Variants in PIH1D2 observed in about 807,000 individuals in gnomAD.
The protein encoded by PIH1D2 is PIH1 domain-containing protein 2.
Under a neutral mutation model 31.2 loss-of-function variants are expected in PIH1D2, and 25 were observed. The ratio of observed to expected loss-of-function variants is 0.80; its 90% CI spans 0.58 to 1.12. PIH1D2 has a LOEUF of 1.12. Ranked by LOEUF, PIH1D2 falls within the 50% of genes most tolerant of loss-of-function variation. The pLI, the probability that PIH1D2 is intolerant of heterozygous loss-of-function variation, is 0.00. For synonymous variants in PIH1D2, 116 were observed against 119.9 expected, an observed-to-expected ratio of 0.97 and a Z score of 0.21; for missense variants, 310 against 356.6, an observed-to-expected ratio of 0.87 and a Z score of 1.05.
Position 112,067,931 on chromosome 11 carries a change from C to A in PIH1D2, c.888G>T (p.Met296Ile). Residue 296 changes from methionine to isoleucine, a missense_variant, in exon 6 of 6, where the codon ATG becomes ATT. Met to Ile is a conservative substitution (Grantham distance 10, BLOSUM62 1). Transcript: ENST00000280350. ...LNLPKLIDTEMTTAKFIKEKS... is the reference protein window; with the variant it reads ...LNLPKLIDTEITTAKFIKEKS... ...TTTCTTTGATAAATTTTGCTGTGGTCATTTCAGTATCAATAAGTTTTGGAA... is the reference window on the plus strand; with the variant it reads ...TTTCTTTGATAAATTTTGCTGTGGTAATTTCAGTATCAATAAGTTTTGGAA... 1.9e-6 allele frequency: 3 copies of A among 1,609,902 alleles called. No homozygotes were observed. In the South Asian group the frequency reaches 3.3e-5, roughly 18 times the overall value.
At position 112,071,255 on chromosome 11, in the gene PIH1D2, G is replaced by C; in HGVS notation, c.330C>G (p.Tyr110Ter). ...CTGCTGCATGAAGAACATCAGGATT[G>C]TAGGCAACATCAATGACTGTGTAAG... ...SDAYTVIDVA[Y>*]NPDVLHAAEK... Residue 110 changes from tyrosine (Y) to a stop codon, truncating the protein, a stop_gained, in exon 4 of 6, where the codon TAC (tyrosine) becomes TAG (stop). Coordinates refer to ENST00000280350, the MANE Select transcript of PIH1D2 (RefSeq NM_138789.4). LOFTEE classifies it high-confidence loss of function. 6.2e-7 allele frequency: 1 copy of C among 1,613,546 alleles called. No individual in the cohort carries two copies. The highest frequency in any genetic ancestry group is 8.5e-7 in the Non-Finnish European group (1 of 1,179,738).
In PIH1D2 at chr11:112,073,010, C is replaced by T; in HGVS notation, c.165G>A (p.Gln55=). 6.2e-7 allele frequency: 1 copy of T among 1,611,164 alleles called. No homozygotes were observed. Among genetic ancestry groups the T allele is most frequent in the Non-Finnish European group, 8.5e-7 (1 of 1,178,412 alleles). The change falls in exon 2 of 6, where the codon CAG becomes CAA. Residue 55 remains glutamine, a synonymous_variant. Coordinates refer to ENST00000280350, the MANE Select transcript of PIH1D2 (RefSeq NM_138789.4). Reference sequence around the variant, plus strand: ...CAACTCGACATACCAGAATCCTGGTCTGTAGACAAAGCTGTGGTTCTGGGG... The same window carrying T: ...CAACTCGACATACCAGAATCCTGGTTTGTAGACAAAGCTGTGGTTCTGGGG... ...CAAPEPQLCL[Q]TRILKPKEKI... is the part of the protein sequence containing the mutation.
the PIH1D2 span, among the ~76,000 whole-genome samples, chr11:112,053,899 TTTAG>T: frequency 5.9e-5 from 9 of 152,294 alleles, no homozygotes; most frequent in African/African-American, 2.2e-4. Context: ...AATATTTAGC[TTTAG>T]CTCCAGTCTT....
chr11:112,057,957 A>AT, the PIH1D2 span, among the ~76,000 whole-genome samples: 1 of 152,222 alleles, frequency 6.6e-6, no homozygotes, highest in African/African-American at 2.4e-5. Context: ...CTTAGTAGAC[A>AT]ACAGTGTAGT....
At chr11:112,072,357 G>C (rs1865146049) in intron 2 of PIH1D2, among the ~76,000 whole-genome samples, 2 of 151,468 alleles carry the variant, frequency 1.3e-5, no homozygotes, top group African/African-American at 4.9e-5. Flanking sequence ...ATTAGCCTGT[G>C]AAACATAGGG....
At position 112,070,505 on chromosome 11, in the gene PIH1D2, CAG is replaced by C. The variant is rs781998222; in HGVS notation, c.742_743del (p.Leu248GlufsTer3). On this transcript the variant is annotated frameshift_variant, in exon 5 of 6. Coordinates refer to ENST00000280350, the MANE Select transcript of PIH1D2 (RefSeq NM_138789.4). LOFTEE classifies it high-confidence loss of function. ...GTAATTCAACTTTCAACTCAATTTT[CAG>C]AGGTTTCTCACTGTGATCATGCACA... Reference protein sequence around the residue: ...KIVHDHSEKPLKIELKVELPG... With the variant: ...KIVHDHSEKPXKIELKVELPG... 6 of 1,613,974 alleles carry C rather than the reference CAG, an allele frequency of 3.7e-6. No homozygotes were observed. The Admixed American group carries it at 8.3e-5, about 22-fold the overall frequency.
At chr11:112,053,715 A>C in the PIH1D2 span, among the ~76,000 whole-genome samples, 1 of 152,198 alleles carries the variant, frequency 6.6e-6, no homozygotes, top group East Asian at 1.9e-4. Flanking sequence ...GGCCTCCCAA[A>C]GTGCTGGGAT....
In PIH1D2 at chr11:112,067,945, T is replaced by C. The variant is rs763871826; in HGVS notation, c.874A>G (p.Ile292Val). Residue 292 changes from isoleucine to valine, a missense_variant, in exon 6 of 6, where the codon ATT (isoleucine) becomes GTT (valine). Ile to Val is a conservative substitution (Grantham distance 29, BLOSUM62 3). Coordinates refer to ENST00000280350, the MANE Select transcript of PIH1D2 (RefSeq NM_138789.4). The stretch of plus-strand genomic sequence containing the variant: ...TTTGCTGTGGTCATTTCAGTATCAA[T>C]AAGTTTTGGAAGATTCAGATGTAAT... ...YRLHLNLPKL[I>V]DTEMTTAKFI... 2 of 1,609,000 alleles carry C rather than the reference T, an allele frequency of 1.2e-6. No individual in the cohort carries two copies. The highest frequency in any genetic ancestry group is 1.7e-6 in the Non-Finnish European group (2 of 1,175,892).
chr11:112,068,526 T>G (rs1444109423), intron 5 of PIH1D2, among the ~76,000 whole-genome samples: 1 of 152,144 alleles, frequency 6.6e-6, no homozygotes, highest in Non-Finnish European at 1.5e-5. Context: ...CTCACACCTG[T>G]AATCCCAGCA....
downstream of PIH1D2, chr11:112,064,173 A>C (rs1220103522): frequency 1.3e-6 from 2 of 1,568,136 alleles, no homozygotes; most frequent in African/African-American, 2.7e-5. Flanking sequence ...AACATTCAAA[A>C]CTTCAAAGAT....
the PIH1D2 span, among the ~76,000 whole-genome samples, chr11:112,055,348 G>C: frequency 0.32 from 46,843 of 146,486 alleles, 8,296 homozygotes; most frequent in East Asian, 0.6. Flanking sequence ...GGTTCATGCC[G>C]TTCTCCTGCC....
intron 5 of PIH1D2, 149 bp from the exon 6 acceptor site, chr11:112,068,154 T>C: frequency 1.7e-6 from 1 of 594,660 alleles, no homozygotes. Context: ...TGTAAATCCC[T>C]TAGATTTTAA....
At chr11:112,062,029 C>G (rs1864663651), downstream of PIH1D2, among the ~76,000 whole-genome samples, 1 of 152,130 alleles carries the variant, frequency 6.6e-6, no homozygotes, top group Non-Finnish European at 1.5e-5. Flanking sequence ...CTTATTTATT[C>G]TAGGTGAGGA....
At position 112,070,437 on chromosome 11, in the gene PIH1D2, T is replaced by G; in HGVS notation, c.812A>C (p.Glu271Ala). The change falls in exon 5 of 6, where the codon GAG becomes GCG. Residue 271 changes from glutamate (E) to alanine (A), a missense_variant and splice_region_variant. Glu to Ala is a moderately radical substitution (Grantham distance 107, BLOSUM62 -1). Transcript: ENST00000280350. The part of the protein sequence containing the change: ...SVSLCDLSVS[E>A]DDLLIEVSEK... ...TACAGTGTTATCTATTCAACTTACC[T>G]CAGAAACACTAAGGTCACAGAGAGA... is the stretch of plus-strand genomic sequence containing the variant. 6.2e-7 allele frequency: 1 copy of G among 1,613,346 alleles called. No homozygotes were observed. The highest frequency in any genetic ancestry group is 2.2e-5 in the East Asian group (1 of 44,872).
At chr11:112,068,990 T>G (rs587615423) in intron 5 of PIH1D2, among the ~76,000 whole-genome samples, 7 of 138,670 alleles carry the variant, frequency 5.0e-5, no homozygotes, top group Middle Eastern at 3.5e-3. Flanking sequence ...TTGTTTTTTT[T>G]TTTTTTTGTT....
chr11:112,054,363 A>AT, the PIH1D2 span, among the ~76,000 whole-genome samples: 1 of 152,008 alleles, frequency 6.6e-6, no homozygotes, highest in Non-Finnish European at 1.5e-5. Flanking sequence ...TATTTGGTTA[A>AT]TTTTTTTAGA....
At chr11:112,072,277 G>C (rs1353934885) in intron 2 of PIH1D2, among the ~76,000 whole-genome samples, 1 of 151,980 alleles carries the variant, frequency 6.6e-6, no homozygotes, top group African/African-American at 2.4e-5. Context: ...TGGGGTGGTG[G>C]CTCACGTATG....
In PIH1D2 at chr11:112,071,657, T is replaced by C. The variant is rs1555184657; in HGVS notation, c.279A>G (p.Pro93=). The C allele has an allele frequency of 1.2e-6, 2 of 1,613,904 alleles. No homozygotes were observed. The highest frequency in any genetic ancestry group is 1.7e-6 in the Non-Finnish European group (2 of 1,179,726). ...TACCTGATATCTCAGTTGTATCTTC[T>C]GGTTTGCCAACAGTTAGAGGTACTG... The part of the protein sequence containing the change: ...THPVPLTVGK[P]EDTTEISDAY... Residue 93 remains proline, a synonymous_variant, in exon 3 of 6, where the codon CCA becomes CCG. Coordinates refer to ENST00000280350, the MANE Select transcript of PIH1D2 (RefSeq NM_138789.4).
Position 112,073,053 on chromosome 11 carries a change from C to T in PIH1D2, c.122G>A (p.Gly41Glu), listed in dbSNP as rs781972106. ...EKFIQQQLKE[G>E]KQLCAAPEPQ... Reference sequence around the variant, plus strand: ...TTCTGGGGCAGCACAGAGCTGTTTCCCTTCTTTCAGCTGCTGCTGAATAAA... The same window carrying T: ...TTCTGGGGCAGCACAGAGCTGTTTCTCTTCTTTCAGCTGCTGCTGAATAAA... The change falls in exon 2 of 6, where the codon GGG becomes GAG. Residue 41 changes from glycine (G) to glutamate (E), a missense_variant. Physicochemically the swap from Gly to Glu is moderately conservative, Grantham distance 98. Coordinates refer to ENST00000280350, the MANE Select transcript of PIH1D2 (RefSeq NM_138789.4). 2.2e-5 allele frequency: 36 copies of T among 1,614,032 alleles called. No homozygotes were observed. The highest frequency in any genetic ancestry group is 2.9e-5 in the Non-Finnish European group (34 of 1,180,030).
Sources: allele counts gnomAD v4.1 joint callset (sites outside exome capture counted in the v4.1 genomes callset), GRCh38; gene constraint gnomAD v4.1.1; transcripts MANE v1.5; gene names NCBI Gene and HGNC (gene_info 2026-07-23, HGNC 2026-07-21).